The following GGNBP2 variants were observed in gnomAD, a reference collection of about 807,000 sequenced individuals.
GGNBP2 encodes gametogenetin binding protein 2, also known as gametogenetin-binding protein 2.
In GGNBP2, 10 loss-of-function variants were observed where a neutral mutation model predicts 85.9. The observed-to-expected ratio is 0.12, with a 90% confidence interval of 0.07 to 0.20. The LOEUF is 0.20. Among genes scored for constraint, GGNBP2 ranks in the 10% least tolerant of loss-of-function variants. GGNBP2 has a pLI of 1.00. For synonymous variants in GGNBP2, 287 were observed against 285.7 expected, an observed-to-expected ratio of 1.00 and a Z score of -0.05; for missense variants, 595 against 857.8, an observed-to-expected ratio of 0.69 and a Z score of 3.83.
At chr17:36,548,787 A>AC (rs1679603339) in intron 2 of GGNBP2, among the ~76,000 whole-genome samples, 1 of 151,934 alleles carries the variant, frequency 6.6e-6, no homozygotes, top group Non-Finnish European at 1.5e-5. Context: ...CTACTGAAAT[A>AC]CAAAAAAATC....
chr17:36,567,855 C>G, intron 6 of GGNBP2, 79 bp downstream of exon 6: 1 of 703,922 alleles, frequency 1.4e-6, no homozygotes, highest in Non-Finnish European at 2.6e-6. Context: ...TCACTGAACT[C>G]CTTTGTATAA....
intron 9 of GGNBP2, chr17:36,582,090 G>A (rs1176321780): frequency 6.6e-6 from 1 of 152,126 alleles, no homozygotes; most frequent in African/African-American, 2.4e-5. Context: ...TGTTGTTCAG[G>A]CTGGTCTCCA....
chr17:36,576,062 G>T (rs2074578432), intron 6 of GGNBP2, among the ~76,000 whole-genome samples: 1 of 148,742 alleles, frequency 6.7e-6, no homozygotes, highest in African/African-American at 2.5e-5. Flanking sequence ...TCTAGGCCGG[G>T]CGTGGTGGCT....
At chr17:36,561,281 AC>A (rs1324767274) in intron 5 of GGNBP2, among the ~76,000 whole-genome samples, 1 of 151,438 alleles carries the variant, frequency 6.6e-6, no homozygotes, top group Non-Finnish European at 1.5e-5. Flanking sequence ...GTGCCACCAC[AC>A]CTGGCTAATT....
intron 6 of GGNBP2, among the ~76,000 whole-genome samples, chr17:36,568,788 G>C (rs981949486): frequency 6.7e-6 from 1 of 149,374 alleles, no homozygotes; most frequent in African/African-American, 2.5e-5. Flanking sequence ...ACGAAGTCTC[G>C]CTCTGTTGCC....
intron 6 of GGNBP2, among the ~76,000 whole-genome samples, chr17:36,573,191 C>A (rs1342178848): frequency 6.6e-6 from 1 of 152,122 alleles, no homozygotes; most frequent in Non-Finnish European, 1.5e-5. Flanking sequence ...CGGTTCACTG[C>A]AACCTCCGCC....
chr17:36,586,433 T>C lies in GGNBP2; in HGVS notation c.1641+235T>C, dbSNP rs2074702523. 9.4e-6 allele frequency: 5 copies of C among 530,490 alleles called. No homozygotes were observed. The Admixed American group carries it at 1.6e-4, about 17-fold the overall frequency. 32.9% of individuals were successfully genotyped at this position (530,490 alleles called of 1,614,324 possible). A position where few individuals can be genotyped will look rare whatever the true frequency, so the allele number is the denominator to read the frequency against. On this transcript the variant is annotated intron_variant, in intron 12 of 13. Transcript: ENST00000613102. The stretch of plus-strand genomic sequence containing the variant: ...AGAAATTCAATTGTTCTTTTTATAC[T>C]TTTAAAATTATAAGCTGTGTAATCT...
chr17:36,568,507 G>A (rs1555606257), intron 6 of GGNBP2, among the ~76,000 whole-genome samples: 1 of 151,956 alleles, frequency 6.6e-6, no homozygotes, highest in African/African-American at 2.4e-5. Flanking sequence ...ATGTTGTTCA[G>A]GCTGGTCTCG....
intron 9 of GGNBP2, among the ~76,000 whole-genome samples, chr17:36,584,111 A>T (rs2074677293): frequency 6.6e-6 from 1 of 152,194 alleles, no homozygotes; most frequent in Admixed American, 6.5e-5. Flanking sequence ...TTTGTCATTG[A>T]CAACAGTTGT....
chr17:36,563,004 G>A lies in GGNBP2; in HGVS notation c.527+2133G>A, dbSNP rs12940937. Among the ~76,000 whole-genome samples, 352 of 136,694 alleles carry A rather than the reference G, an allele frequency of 2.6e-3. 1 individual carries two copies. The highest frequency in any genetic ancestry group is 4.5e-3 in the Non-Finnish European group (291 of 65,068). 89.7% of individuals were successfully genotyped at this position (136,694 alleles called of 152,430 possible). On this transcript the variant is annotated intron_variant, in intron 5 of 13. Transcript: ENST00000613102. ...AAAAAGGCTGGGCGTGGTGGCTCAC[G>A]CCTGTAATCCCAGCACTTTGGGAGG...
intron 6 of GGNBP2, chr17:36,574,472 A>C (rs143444580): frequency 7.8e-5 from 20 of 256,580 alleles, no homozygotes; most frequent in Non-Finnish European, 1.2e-4. Context: ...TGTTGTAGCC[A>C]CAGCTGGAGC....
intron 6 of GGNBP2, among the ~76,000 whole-genome samples, chr17:36,571,533 G>A (rs918014122): frequency 6.6e-6 from 1 of 151,912 alleles, no homozygotes. Flanking sequence ...CTCGGCAACA[G>A]CAAGACTCCA....
chr17:36,578,286 A>G lies in GGNBP2; in HGVS notation c.845+100A>G. ...CACCTTCTGCCTCAGTACATATGAT[A>G]TATGTATAAATTAAAGTATGCCTGT... On this transcript the variant is annotated intron_variant, in intron 7 of 13. Coordinates refer to ENST00000613102, the MANE Select transcript of GGNBP2 (RefSeq NM_024835.5). 8 of 842,312 alleles carry G rather than the reference A, an allele frequency of 9.5e-6. No individual in the cohort carries two copies. In the South Asian group the frequency reaches 1.4e-4, roughly 15 times the overall value. 52.2% of individuals were successfully genotyped at this position (842,312 alleles called of 1,614,324 possible).
At chr17:36,587,422 A>G (rs2074713660) in intron 13 of GGNBP2, 177 bp downstream of exon 13, 1 of 689,700 alleles carries the variant, frequency 1.4e-6, no homozygotes, top group East Asian at 2.5e-5. Context: ...TGGTTTATGC[A>G]ACTACTCTGG....
intron 8 of GGNBP2, 126 bp downstream of exon 8, chr17:36,579,545 G>T: frequency 3.8e-6 from 3 of 794,954 alleles, no homozygotes; most frequent in South Asian, 3.6e-5. Context: ...GATTTGGCTG[G>T]ATATTGTTAC....
intron 6 of GGNBP2, among the ~76,000 whole-genome samples, chr17:36,575,646 A>ATC (rs1360835058): frequency 1.8e-5 from 1 of 54,598 alleles, no homozygotes; most frequent in Non-Finnish European, 3.3e-5. Context: ...ATATATATAT[A>ATC]TATTTTTTTT....
chr17:36,567,201 T>G (rs1456963216), intron 5 of GGNBP2, among the ~76,000 whole-genome samples: 1 of 146,250 alleles, frequency 6.8e-6, no homozygotes, highest in Non-Finnish European at 1.5e-5. Context: ...GTTGCTCTCT[T>G]GATAACTACA....
intron 6 of GGNBP2, among the ~76,000 whole-genome samples, chr17:36,573,782 T>C (rs961691660): frequency 5.9e-5 from 9 of 152,196 alleles, no homozygotes; most frequent in Non-Finnish European, 8.8e-5. Flanking sequence ...TGATTAGTGA[T>C]GTTGAGCATC....
chr17:36,568,130 T>C (rs553612805), intron 6 of GGNBP2, among the ~76,000 whole-genome samples: 1 of 152,238 alleles, frequency 6.6e-6, no homozygotes, highest in Admixed American at 6.5e-5. Context: ...TTCACCATGT[T>C]GGCCAGGATG....
Sources: gnomAD v4.1 joint callset for allele counts (sites outside exome capture counted in the v4.1 genomes callset) on GRCh38, gnomAD v4.1.1 for gene constraint, MANE v1.5 for transcripts, NCBI Gene and HGNC (gene_info 2026-07-23, HGNC 2026-07-21) for gene names.